ZNF431: variants seen among roughly 807,000 people sequenced by gnomAD.
The protein encoded by ZNF431 is zinc finger protein 431.
A neutral mutation model predicts 57.0 loss-of-function variants in ZNF431; 34 were observed. The ratio of observed to expected loss-of-function variants is 0.60; its 90% CI spans 0.45 to 0.79. The LOEUF is 0.79. Ranked by LOEUF, ZNF431 falls within the 30% of genes least tolerant of loss-of-function variation. ZNF431 has a pLI of 0.00. For synonymous variants in ZNF431, 207 were observed against 220.3 expected, an observed-to-expected ratio of 0.94 and a Z score of 0.54; for missense variants, 607 against 667.1, an observed-to-expected ratio of 0.91 and a Z score of 0.99.
chr19:21,162,286 G>T (rs1970594920), intron 2 of ZNF431, among the ~76,000 whole-genome samples: 1 of 151,952 alleles, frequency 6.6e-6, no homozygotes, highest in South Asian at 2.1e-4. Flanking sequence ...CGATTGTCCT[G>T]CTGCAGCCTC....
chr19:21,153,774 T>G (rs1434873647), intron 2 of ZNF431, among the ~76,000 whole-genome samples: 2 of 152,324 alleles, frequency 1.3e-5, no homozygotes, highest in East Asian at 3.9e-4. Flanking sequence ...TGGAGTGCAG[T>G]GCCGTGATCT....
intron 2 of ZNF431, among the ~76,000 whole-genome samples, chr19:21,165,415 GA>G (rs892102350): frequency 5.9e-5 from 9 of 152,168 alleles, no homozygotes; most frequent in South Asian, 2.1e-4. Context: ...TGGAATGCGG[GA>G]GATATCTTGA....
At position 21,182,957 on chromosome 19, in the gene ZNF431, C is replaced by T. The variant is rs1395931693; in HGVS notation, c.654C>T (p.His218=). ...GCAAATCATTTTGCATGCTTTTACA[C>T]CTAAGTCAACATAAAAGAATTCATA... ...KCGKSFCMLL[H]LSQHKRIHIR... Residue 218 remains histidine, a synonymous_variant, in exon 5 of 5, where the codon CAC becomes CAT. Transcript: ENST00000311048. 1.2e-6 allele frequency: 2 copies of T among 1,613,962 alleles called. No individual in the cohort carries two copies. Among genetic ancestry groups the T allele is most frequent in the Non-Finnish European group, 1.7e-6 (2 of 1,179,970 alleles).
At chr19:21,171,682 A>G (rs565081555) in intron 4 of ZNF431, among the ~76,000 whole-genome samples, 3 of 137,880 alleles carry the variant, frequency 2.2e-5, no homozygotes, top group East Asian at 2.1e-4. Context: ...TATTTTCACC[A>G]TGTTTCTAAT....
In ZNF431 at chr19:21,195,662, C is replaced by T. The variant is rs1199293431; in HGVS notation, c.*11628C>T. ...TTGATACGTATGAGATTCACCAGTA[C>T]CAGTTTTTCTCTTGTGGTGGCATAT... On this transcript the variant is annotated 3_prime_UTR_variant, in exon 5 of 5. Coordinates refer to ENST00000311048, the MANE Select transcript of ZNF431 (RefSeq NM_133473.4). 1 of 152,106 alleles carries T rather than the reference C, an allele frequency of 6.6e-6. No individual in the cohort carries two copies. The highest frequency in any genetic ancestry group is 2.4e-5 in the African/African-American group (1 of 41,410). 9.4% of individuals were successfully genotyped at this position (152,106 alleles called of 1,614,324 possible). A position where few individuals can be genotyped will look rare whatever the true frequency, so the allele number is the denominator to read the frequency against.
chr19:21,164,372 G>A (rs1970660311), intron 2 of ZNF431, among the ~76,000 whole-genome samples: 1 of 152,070 alleles, frequency 6.6e-6, no homozygotes, highest in African/African-American at 2.4e-5. Context: ...GGCAGGGGAG[G>A]GCACCTGTGG....
At chr19:21,143,402 T>G (rs1277611945) in intron 1 of ZNF431, 149 bp from the exon 2 acceptor site, 4 of 626,984 alleles carry the variant, frequency 6.4e-6, no homozygotes, top group Non-Finnish European at 1.1e-5. Context: ...CTTTGGAAAC[T>G]TTATGGGGTG....
At chr19:21,162,882 A>G (rs1599594538) in intron 2 of ZNF431, 1 of 375,702 alleles carries the variant, frequency 2.7e-6, no homozygotes, top group African/African-American at 2.2e-5. Flanking sequence ...TAGTTGCTCC[A>G]CAAGTAACAA....
In ZNF431 at chr19:21,185,083, C is replaced by T. The variant is rs915047450; in HGVS notation, c.*1049C>T. On this transcript the variant is annotated 3_prime_UTR_variant, in exon 5 of 5. Coordinates refer to ENST00000311048, the MANE Select transcript of ZNF431 (RefSeq NM_133473.4). ...CAGTTATACTAGAATATATTTTTTC[C>T]AGATGCAGTAAAAGTAAAATATTTA... 12 of 152,132 alleles carry T rather than the reference C, an allele frequency of 7.9e-5. No homozygotes were observed. The highest frequency in any genetic ancestry group is 2.9e-4 in the African/African-American group (12 of 41,530). The allele number at this position is 152,132 out of a possible 1,614,324, so 9.4% of individuals were successfully genotyped here.
chr19:21,165,421 T>A (rs1227612083), intron 2 of ZNF431, among the ~76,000 whole-genome samples: 2 of 152,228 alleles, frequency 1.3e-5, no homozygotes, highest in African/African-American at 4.8e-5. Context: ...GCGGGAGATA[T>A]CTTGACCTTT....
In ZNF431 at chr19:21,143,626, T is replaced by G; in HGVS notation, c.79T>G (p.Tyr27Asp). 5 of 1,613,810 alleles carry G rather than the reference T, an allele frequency of 3.1e-6. No individual in the cohort carries two copies. Among genetic ancestry groups the G allele is most frequent in the South Asian group, 1.1e-5 (1 of 91,076 alleles). Residue 27 changes from tyrosine to aspartate, a missense_variant, in exon 2 of 5, where the codon TAC (tyrosine) becomes GAC (aspartate). By Grantham distance (160) the Tyr-to-Asp change is radical. Transcript: ENST00000311048. Reference protein sequence around the residue: ...CPGAERNLLVYSYFEKETLTF... With the variant: ...CPGAERNLLVDSYFEKETLTF... ...TGGGGCTGAGAGGAATCTTCTAGTT[T>G]ACTCTTATTTTGAAAAGGTAACCTC...
intron 2 of ZNF431, among the ~76,000 whole-genome samples, chr19:21,163,501 G>A (rs1815636530): frequency 6.6e-6 from 1 of 152,172 alleles, no homozygotes; most frequent in Admixed American, 6.5e-5. Flanking sequence ...ACATTACATA[G>A]ATTGGGACCA....
At chr19:21,161,611 C>T (rs772752071) in intron 2 of ZNF431, among the ~76,000 whole-genome samples, 2 of 152,106 alleles carry the variant, frequency 1.3e-5, no homozygotes, top group Non-Finnish European at 2.9e-5. Flanking sequence ...GAACAGAATT[C>T]TACAGAGGGT....
At chr19:21,163,735 G>C (rs1383905574) in intron 2 of ZNF431, among the ~76,000 whole-genome samples, 3 of 151,982 alleles carry the variant, frequency 2.0e-5, no homozygotes, top group Non-Finnish European at 2.9e-5. Context: ...TGTCAGGCTG[G>C]TCTTGAACTC....
rs764889901 is a variant in ZNF431 at position 21,192,632 on chromosome 19, A to G, written c.*8598A>G. The stretch of plus-strand genomic sequence containing the variant: ...TTGGATATTTAGTACCATGTTTAGT[A>G]AGTCTGACTAGAGTGGGCATCCTTG... On this transcript the variant is annotated 3_prime_UTR_variant, in exon 5 of 5. Coordinates refer to ENST00000311048, the MANE Select transcript of ZNF431 (RefSeq NM_133473.4). 1.2e-4 allele frequency: 19 copies of G among 152,226 alleles called. No homozygotes were observed. The highest frequency in any genetic ancestry group is 4.1e-4 in the South Asian group (2 of 4,828). The allele number at this position is 152,226 out of a possible 1,614,324, so 9.4% of individuals were successfully genotyped here. A position where few individuals can be genotyped will look rare whatever the true frequency, so the allele number is the denominator to read the frequency against.
In ZNF431 at chr19:21,185,958, T is replaced by A. The variant is rs1315100968; in HGVS notation, c.*1924T>A. On this transcript the variant is annotated 3_prime_UTR_variant, in exon 5 of 5. Transcript: ENST00000311048. ...TCATAATAAAAATTATATACGAGTA[T>A]AAATGAAATTCATTTCTAAATTCTT... The A allele has an allele frequency of 6.6e-6, 1 of 152,142 alleles. No individual in the cohort carries two copies. Among genetic ancestry groups the A allele is most frequent in the Non-Finnish European group, 1.5e-5 (1 of 68,036 alleles). The allele number at this position is 152,142 out of a possible 1,614,324, so 9.4% of individuals were successfully genotyped here.
chr19:21,164,754 T>A (rs527507813), intron 2 of ZNF431, among the ~76,000 whole-genome samples: 18 of 152,070 alleles, frequency 1.2e-4, no homozygotes, highest in African/African-American at 4.3e-4. Context: ...GTGTTTTTCC[T>A]CCCCAGTGAG....
chr19:21,184,954 G>C lies in ZNF431; in HGVS notation c.*920G>C, dbSNP rs1380481727. 1 of 152,172 alleles carries C rather than the reference G, an allele frequency of 6.6e-6. No individual in the cohort carries two copies. The highest frequency in any genetic ancestry group is 1.5e-5 in the Non-Finnish European group (1 of 68,016). 9.4% of individuals were successfully genotyped at this position (152,172 alleles called of 1,614,324 possible). On this transcript the variant is annotated 3_prime_UTR_variant, in exon 5 of 5. Transcript: ENST00000311048. Reference sequence around the variant, plus strand: ...TCTTCTAGAGGAAAACTCTGAAGCAGTTGATCAAACTTTGTTCAACATCAG... The same window carrying C: ...TCTTCTAGAGGAAAACTCTGAAGCACTTGATCAAACTTTGTTCAACATCAG...
chr19:21,186,484 A>G lies in ZNF431; in HGVS notation c.*2450A>G, dbSNP rs542948040. The G allele has an allele frequency of 6.6e-6, 1 of 152,318 alleles. No homozygotes were observed. Among genetic ancestry groups the G allele is most frequent in the East Asian group, 1.9e-4 (1 of 5,192 alleles). 9.4% of individuals were successfully genotyped at this position (152,318 alleles called of 1,614,324 possible). A position where few individuals can be genotyped will look rare whatever the true frequency, so the allele number is the denominator to read the frequency against. ...TGAGTTTGTACATATTTTCAGAAGG[A>G]AAGAATGATACGGGAACAAAAATCA... is the stretch of plus-strand genomic sequence containing the variant. On this transcript the variant is annotated 3_prime_UTR_variant, in exon 5 of 5. Coordinates refer to ENST00000311048, the MANE Select transcript of ZNF431 (RefSeq NM_133473.4).
Sources: gnomAD v4.1 joint callset for allele counts (sites outside exome capture counted in the v4.1 genomes callset) on GRCh38, gnomAD v4.1.1 for gene constraint, MANE v1.5 for transcripts, NCBI Gene and HGNC (gene_info 2026-07-23, HGNC 2026-07-21) for gene names.